The following WIF1 variants were observed in gnomAD, a reference collection of about 807,000 sequenced individuals.
WIF1 encodes Wnt inhibitory factor 1.
A neutral mutation model predicts 53.5 loss-of-function variants in WIF1; 35 were observed. That is an observed-to-expected ratio of 0.65 (90% CI 0.50 to 0.87). The LOEUF is 0.87. Ranked by LOEUF, WIF1 falls within the 40% of genes least tolerant of loss-of-function variation. The probability of loss-of-function intolerance (pLI) is 0.00; values close to 1 mark genes in which losing one functional copy is unlikely to be tolerated. For synonymous variants in WIF1, 171 were observed against 170.4 expected, an observed-to-expected ratio of 1.00 and a Z score of -0.03; for missense variants, 467 against 476.8, an observed-to-expected ratio of 0.98 and a Z score of 0.19.
At chr12:65,077,910 C>G in intron 2 of WIF1, 56 bp from the exon 3 acceptor site, 1 of 1,334,292 alleles carries the variant, frequency 7.5e-7, no homozygotes, top group South Asian at 1.2e-5. Flanking sequence ...GGAGAAGGCA[C>G]CACAGAATTC....
chr12:65,096,870 G>A (rs961336185), intron 2 of WIF1, among the ~76,000 whole-genome samples: 2 of 152,014 alleles, frequency 1.3e-5, no homozygotes, highest in Non-Finnish European at 2.9e-5. Flanking sequence ...TGTTAGGAGT[G>A]GAGGGCAAGG....
At chr12:65,053,885 AT>A (rs1882481468) in intron 9 of WIF1, among the ~76,000 whole-genome samples, 1 of 151,384 alleles carries the variant, frequency 6.6e-6, no homozygotes, top group South Asian at 2.1e-4. Context: ...AATATAAAAA[AT>A]ATTTAAAAAC....
intron 2 of WIF1, among the ~76,000 whole-genome samples, chr12:65,114,566 T>G (rs777483673): frequency 1.1e-4 from 17 of 151,942 alleles, no homozygotes; most frequent in Non-Finnish European, 2.2e-4. Flanking sequence ...TCTGATAGTT[T>G]TCAGTAATTC....
chr12:65,055,085 C>G, intron 9 of WIF1, 33 bp downstream of exon 9: 1 of 1,599,546 alleles, frequency 6.3e-7, no homozygotes, highest in Non-Finnish European at 8.5e-7. Context: ...TTATTTTTTT[C>G]CTTGTTTACA....
chr12:65,085,595 T>C (rs1380441159), intron 2 of WIF1, among the ~76,000 whole-genome samples: 1 of 152,164 alleles, frequency 6.6e-6, no homozygotes, highest in East Asian at 1.9e-4. Flanking sequence ...TCATGCAGCG[T>C]AGCTATTTAT....
intron 3 of WIF1, among the ~76,000 whole-genome samples, chr12:65,069,350 A>C (rs1882737605): frequency 6.6e-6 from 1 of 152,176 alleles, no homozygotes; most frequent in Admixed American, 6.5e-5. Context: ...ATATAATCCA[A>C]AAAGGGCTAG....
intron 2 of WIF1, among the ~76,000 whole-genome samples, chr12:65,117,876 A>T (rs1883536804): frequency 1.3e-5 from 2 of 152,198 alleles, no homozygotes; most frequent in Admixed American, 6.5e-5. Flanking sequence ...AAGGAGAGGG[A>T]TGGGGAGCAT....
At chr12:65,106,455 C>T (rs534994882) in intron 2 of WIF1, among the ~76,000 whole-genome samples, 2 of 151,604 alleles carry the variant, frequency 1.3e-5, no homozygotes, top group African/African-American at 4.9e-5. Flanking sequence ...CCTCGGCCCC[C>T]CAGTTTCAAG....
At chr12:65,093,666 A>C (rs75944542) in intron 2 of WIF1, among the ~76,000 whole-genome samples, 1 of 152,190 alleles carries the variant, frequency 6.6e-6, no homozygotes, top group Non-Finnish European at 1.5e-5. Context: ...CATTAAAAAA[A>C]TACATACACA....
chr12:65,080,788 T>A (rs1374000367), intron 2 of WIF1, among the ~76,000 whole-genome samples: 3 of 152,158 alleles, frequency 2.0e-5, no homozygotes, highest in Non-Finnish European at 4.4e-5. Context: ...AAGAAATGAA[T>A]GGATAGAATG....
intron 7 of WIF1, among the ~76,000 whole-genome samples, chr12:65,061,396 G>A (rs1233838222): frequency 6.6e-6 from 1 of 152,156 alleles, no homozygotes; most frequent in South Asian, 2.1e-4. Context: ...CACAGACCAA[G>A]TTTCCCTCAA....
chr12:65,114,577 A>G (rs748851412), intron 2 of WIF1, among the ~76,000 whole-genome samples: 3 of 151,726 alleles, frequency 2.0e-5, no homozygotes, highest in Admixed American at 1.3e-4. Flanking sequence ...TCAGTAATTC[A>G]AGAAGTTTTT....
chr12:65,066,356 G>T (rs1298428289), intron 6 of WIF1, among the ~76,000 whole-genome samples: 1 of 152,120 alleles, frequency 6.6e-6, no homozygotes, highest in African/African-American at 2.4e-5. Context: ...CAAAGCTCTA[G>T]GCAGGACCAC....
At chr12:65,094,789 C>A (rs966402452) in intron 2 of WIF1, among the ~76,000 whole-genome samples, 1 of 151,942 alleles carries the variant, frequency 6.6e-6, no homozygotes, top group Non-Finnish European at 1.5e-5. Flanking sequence ...TTGGCTTCTT[C>A]TTTCCCAATA....
chr12:65,096,243 G>C (rs924634398), intron 2 of WIF1, among the ~76,000 whole-genome samples: 2 of 152,100 alleles, frequency 1.3e-5, no homozygotes, highest in African/African-American at 4.8e-5. Flanking sequence ...ACATTTATAT[G>C]GCTGATAAAT....
In WIF1 at chr12:65,067,769, C is replaced by T. The variant is rs1318018529; in HGVS notation, c.560G>A (p.Arg187Gln). Residue 187 changes from arginine to glutamine, a missense_variant, in exon 5 of 10, where the codon CGA becomes CAA. Transcript: ENST00000286574. ...TCTTTCATTACAAAAGCCTCCATTT[C>T]GGCACCCGCCTGGGCACTCAGCTTC... ...CQQAECPGGC[R>Q]NGGFCNERRI... is the part of the protein sequence containing the mutation. 14 of 1,613,062 alleles carry T rather than the reference C, an allele frequency of 8.7e-6. No individual in the cohort carries two copies. Among genetic ancestry groups the T allele is most frequent in the Middle Eastern group, 1.6e-4 (1 of 6,070 alleles).
intron 2 of WIF1, among the ~76,000 whole-genome samples, chr12:65,096,218 A>G (rs1048873569): frequency 7.2e-5 from 11 of 152,228 alleles, no homozygotes; most frequent in African/African-American, 2.4e-4. Context: ...ATGAACAGAC[A>G]CTTCTCAAAA....
chr12:65,101,353 G>A (rs1298868863), intron 2 of WIF1, among the ~76,000 whole-genome samples: 2 of 152,146 alleles, frequency 1.3e-5, no homozygotes, highest in Admixed American at 1.3e-4. Context: ...CTAGAAAGAA[G>A]CTACCATTTG....
intron 2 of WIF1, among the ~76,000 whole-genome samples, chr12:65,114,067 A>G (rs1883472861): frequency 6.6e-6 from 1 of 152,246 alleles, no homozygotes; most frequent in African/African-American, 2.4e-5. Context: ...CATAGTAATA[A>G]TAAGTGTTAC....
Sources: gnomAD v4.1 joint callset for allele counts (sites outside exome capture counted in the v4.1 genomes callset) on GRCh38, gnomAD v4.1.1 for gene constraint, MANE v1.5 for transcripts, NCBI Gene and HGNC (gene_info 2026-07-23, HGNC 2026-07-21) for gene names.